NLRP1: variants seen among roughly 807,000 people sequenced by gnomAD.
NLRP1 encodes NACHT, LRR and PYD domains-containing protein 1.
A neutral mutation model predicts 136.7 loss-of-function variants in NLRP1; 94 were observed. That is an observed-to-expected ratio of 0.69 (90% CI 0.58 to 0.82). The LOEUF is 0.82. Ranked by LOEUF, NLRP1 falls within the 40% of genes least tolerant of loss-of-function variation. The pLI is 0.00. For missense variants in NLRP1, 1,575 were observed against 1,802.7 expected, an observed-to-expected ratio of 0.87 and a Z score of 2.29; for synonymous variants, 690 against 725.1, an observed-to-expected ratio of 0.95 and a Z score of 0.78.
chr17:5,531,866 A>T (rs1369405510), intron 11 of NLRP1, among the ~76,000 whole-genome samples: 1 of 152,240 alleles, frequency 6.6e-6, no homozygotes, highest in Non-Finnish European at 1.5e-5. Context: ...AAACAGGAGC[A>T]TACAGATTAA....
downstream of NLRP1, among the ~76,000 whole-genome samples, chr17:5,511,682 C>T (rs1054550958): frequency 1.1e-4 from 16 of 152,200 alleles, no homozygotes; most frequent in East Asian, 1.9e-3. Flanking sequence ...GCGGGGGTTG[C>T]GGGGCTTAGA....
intron 15 of NLRP1, chr17:5,505,393 C>A: frequency 6.6e-6 from 1 of 152,526 alleles, no homozygotes; most frequent in Non-Finnish European, 1.5e-5. Context: ...CTGAGTAAAG[C>A]CTGGGGCTCC....
intron 3 of NLRP1, among the ~76,000 whole-genome samples, chr17:5,579,565 T>C (rs1173209403): frequency 6.6e-6 from 1 of 152,220 alleles, no homozygotes; most frequent in Non-Finnish European, 1.5e-5. Flanking sequence ...TATCATTCAA[T>C]CTAGCAATCC....
At chr17:5,579,975 T>C (rs771392651) in intron 3 of NLRP1, among the ~76,000 whole-genome samples, 2 of 152,172 alleles carry the variant, frequency 1.3e-5, no homozygotes, top group Non-Finnish European at 2.9e-5. Context: ...GGCTCACACC[T>C]GTAATCCTAG....
chr17:5,518,032 G>T, intron 14 of NLRP1, 145 bp from the exon 15 acceptor site: 1 of 725,254 alleles, frequency 1.4e-6, no homozygotes, highest in Non-Finnish European at 2.2e-6. Context: ...TTCAGACATT[G>T]CTCTTTTCCC....
At position 5,584,174 on chromosome 17, in the gene NLRP1, C is replaced by T. The variant is rs1362923852; in HGVS notation, c.-217G>A. 5.2e-6 allele frequency: 3 copies of T among 580,114 alleles called. No homozygotes were observed. Among genetic ancestry groups the T allele is most frequent in the Non-Finnish European group, 9.2e-6 (3 of 327,068 alleles). 35.9% of individuals were successfully genotyped at this position (580,114 alleles called of 1,614,324 possible). ...GGAGGGAGGAGCCCAGAGGGGCCTGCAAGACACTGGAAGAAGTCAGCTGAT... is the reference window on the plus strand; with the variant it reads ...GGAGGGAGGAGCCCAGAGGGGCCTGTAAGACACTGGAAGAAGTCAGCTGAT... On this transcript the variant is annotated 5_prime_UTR_variant, in exon 1 of 17. Coordinates refer to ENST00000572272, the MANE Select transcript of NLRP1 (RefSeq NM_033004.4).
chr17:5,565,999 T>C (rs1193653410), intron 3 of NLRP1, among the ~76,000 whole-genome samples: 1 of 152,220 alleles, frequency 6.6e-6, no homozygotes, highest in African/African-American at 2.4e-5. Context: ...AATGATCCCT[T>C]GAATTTCTGC....
At position 5,558,378 on chromosome 17, in the gene NLRP1, C is replaced by T. The variant is rs770756924; in HGVS notation, c.2318G>A (p.Arg773Lys). 7 of 1,613,448 alleles carry T rather than the reference C, an allele frequency of 4.3e-6. No individual in the cohort carries two copies. The highest frequency in any genetic ancestry group is 4.0e-5 in the African/African-American group (3 of 74,884). The change falls in exon 4 of 17, where the codon AGG becomes AAG. Residue 773 changes from arginine (R) to lysine (K), a missense_variant. Coordinates refer to ENST00000572272, the MANE Select transcript of NLRP1 (RefSeq NM_033004.4). ...GGGGCTCCATGTTGATCTGTGCTGC[C>T]TGCCCTCAATCAGCTGAAGCTTCTT... The part of the protein sequence containing the change: ...HVKKLQLIEG[R>K]QHRSTWSPTM...
At chr17:5,578,619 TG>T (rs1905254302) in intron 3 of NLRP1, among the ~76,000 whole-genome samples, 1 of 152,214 alleles carries the variant, frequency 6.6e-6, no homozygotes, top group African/African-American at 2.4e-5. Context: ...CAACAGGTGC[TG>T]GAGAGGATGT....
intron 3 of NLRP1, 152 bp from the exon 4 acceptor site, chr17:5,560,195 G>A: frequency 1.4e-6 from 1 of 717,588 alleles, no homozygotes; most frequent in Non-Finnish European, 2.2e-6. Flanking sequence ...AAGGACATGT[G>A]CTTTGGGGTA....
At chr17:5,560,626 T>A (rs1914627457) in intron 3 of NLRP1, among the ~76,000 whole-genome samples, 1 of 152,174 alleles carries the variant, frequency 6.6e-6, no homozygotes, top group African/African-American at 2.4e-5. Flanking sequence ...GTGCCCTTAG[T>A]GGATGACAGG....
intron 8 of NLRP1, among the ~76,000 whole-genome samples, chr17:5,535,267 A>T (rs984469943): frequency 3.3e-5 from 5 of 151,352 alleles, no homozygotes; most frequent in Admixed American, 1.3e-4. Flanking sequence ...AGAGATTCTG[A>T]TTCAGTGGGT....
chr17:5,576,753 C>A (rs1047003751), intron 3 of NLRP1, among the ~76,000 whole-genome samples: 2 of 152,186 alleles, frequency 1.3e-5, no homozygotes, highest in Non-Finnish European at 2.9e-5. Context: ...CTCCCTAACT[C>A]ATTTTACGAG....
intron 11 of NLRP1, among the ~76,000 whole-genome samples, chr17:5,532,091 A>G (rs1189064721): frequency 6.6e-6 from 1 of 152,040 alleles, no homozygotes; most frequent in Non-Finnish European, 1.5e-5. Context: ...TAAAAATACA[A>G]TTTTCATTTT....
intron 3 of NLRP1, among the ~76,000 whole-genome samples, chr17:5,561,290 C>T (rs540097832): frequency 1.3e-5 from 2 of 152,054 alleles, no homozygotes; most frequent in African/African-American, 2.4e-5. Context: ...CCTGACCTCA[C>T]GTGATCTGCC....
At chr17:5,503,981 A>C (rs1170789004) in intron 15 of NLRP1, 1 of 152,226 alleles carries the variant, frequency 6.6e-6, no homozygotes, top group Non-Finnish European at 1.5e-5. Context: ...TCCTTCATCC[A>C]TTTAGGGGTA....
intron 5 of NLRP1, among the ~76,000 whole-genome samples, chr17:5,542,991 G>A (rs991976899): frequency 3.9e-5 from 6 of 152,180 alleles, no homozygotes; most frequent in African/African-American, 9.6e-5. Context: ...CACCATGCCC[G>A]GCTAATTTTT....
intron 8 of NLRP1, among the ~76,000 whole-genome samples, chr17:5,534,361 CCT>C (rs977545128): frequency 1.3e-5 from 2 of 151,966 alleles, no homozygotes; most frequent in Non-Finnish European, 2.9e-5. Flanking sequence ...AGAGCCAGAC[CCT>C]GTCTCAAACA....
intron 3 of NLRP1, among the ~76,000 whole-genome samples, chr17:5,563,994 T>C (rs1387885695): frequency 1.3e-5 from 2 of 152,184 alleles, no homozygotes; most frequent in Admixed American, 6.5e-5. Flanking sequence ...ATATTCAGCA[T>C]CCTTAAAGAA....
Sources: gnomAD v4.1 joint callset for allele counts (sites outside exome capture counted in the v4.1 genomes callset) on GRCh38, gnomAD v4.1.1 for gene constraint, MANE v1.5 for transcripts, NCBI Gene and HGNC (gene_info 2026-07-23, HGNC 2026-07-21) for gene names.